SLCO5A1: variants seen among roughly 807,000 people sequenced by gnomAD.
SLCO5A1 encodes solute carrier organic anion transporter family member 5A1, also known as organic anion transporter polypeptide-related protein 4.
A neutral mutation model predicts 65.1 loss-of-function variants in SLCO5A1; 39 were observed. The observed-to-expected ratio is 0.60, with a 90% CI of 0.46 to 0.78. The LOEUF is 0.78. Ranked by LOEUF, SLCO5A1 falls within the 30% of genes least tolerant of loss-of-function variation. SLCO5A1 has a pLI of 0.00. For missense variants in SLCO5A1, 1,029 were observed against 1,069.4 expected, an observed-to-expected ratio of 0.96 and a Z score of 0.53; for synonymous variants, 438 against 415.7, an observed-to-expected ratio of 1.05 and a Z score of -0.65.
At chr8:69,782,910 T>C (rs1818860464) in intron 2 of SLCO5A1, among the ~76,000 whole-genome samples, 1 of 152,206 alleles carries the variant, frequency 6.6e-6, no homozygotes, top group African/African-American at 2.4e-5. Flanking sequence ...GAGTATTGGC[T>C]TCAGCATCAG....
chr8:69,704,767 C>A, intron 6 of SLCO5A1: 1 of 425,856 alleles, frequency 2.3e-6, no homozygotes, highest in Non-Finnish European at 4.2e-6. Flanking sequence ...TTTCATTAAT[C>A]CAATAAGCAT....
intron 6 of SLCO5A1, among the ~76,000 whole-genome samples, chr8:69,691,823 C>G (rs1280616944): frequency 6.6e-6 from 1 of 152,184 alleles, no homozygotes; most frequent in East Asian, 1.9e-4. Flanking sequence ...TACTATACTC[C>G]TAGGCTATAC....
At chr8:69,700,684 G>A (rs1411820799) in intron 6 of SLCO5A1, among the ~76,000 whole-genome samples, 1 of 151,934 alleles carries the variant, frequency 6.6e-6, no homozygotes, top group Admixed American at 6.6e-5. Flanking sequence ...TTGGGAAAAA[G>A]AAAAGCCAGA....
chr8:69,682,314 A>G lies in SLCO5A1; in HGVS notation c.1652T>C (p.Leu551Pro). The G allele has an allele frequency of 6.2e-7, 1 of 1,610,494 alleles. No homozygotes were observed. Among genetic ancestry groups the G allele is most frequent in the Non-Finnish European group, 8.5e-7 (1 of 1,178,540 alleles). Reference sequence around the variant, plus strand: ...ACAATTAACGTTGCAGCTTCCTGTCAGATTCCTATGGGGCATGGTGAGAGA... The same window carrying G: ...ACAATTAACGTTGCAGCTTCCTGTCGGATTCCTATGGGGCATGGTGAGAGA... ...GPSLTMPHRNLTGSCNVNCGC... is the reference protein window; with the variant it reads ...GPSLTMPHRNPTGSCNVNCGC... The change falls in exon 7 of 10, where the codon CTG becomes CCG. Residue 551 changes from leucine to proline, a missense_variant. Leu to Pro is a moderately conservative substitution (Grantham distance 98). Around this residue, in one of 3 missense-constraint regions of SLCO5A1, gnomAD observed 124 missense variants for 184.5 expected, o/e 0.67. Coordinates refer to ENST00000260126, the MANE Select transcript of SLCO5A1 (RefSeq NM_030958.3).
Position 69,803,881 on chromosome 8 carries a change from G to A in SLCO5A1, c.907+27886C>T, listed in dbSNP as rs111899298. On this transcript the variant is annotated intron_variant, in intron 2 of 9. Transcript: ENST00000260126. ...CGCTTGAGCCCCAGAGTTTGAGGCT[G>A]CAGTGAGCTATGATCATGCCACAGC... Among the ~76,000 whole-genome samples, 47 of 152,210 alleles carry A rather than the reference G, an allele frequency of 3.1e-4. 2 individuals are homozygous for A. The highest frequency in any genetic ancestry group is 1.1e-3 in the African/African-American group (45 of 41,512).
At chr8:69,679,349 C>G (rs1219003122) in intron 8 of SLCO5A1, 29 bp downstream of exon 8, 2 of 1,613,350 alleles carry the variant, frequency 1.2e-6, no homozygotes, top group Non-Finnish European at 1.7e-6. Flanking sequence ...AGTACAGAAC[C>G]CACCCCAGAA....
At chr8:69,686,968 T>C (rs763223546) in intron 6 of SLCO5A1, among the ~76,000 whole-genome samples, 6 of 152,294 alleles carry the variant, frequency 3.9e-5, no homozygotes, top group Non-Finnish European at 4.4e-5. Context: ...ACACAGTCGT[T>C]GTGGGGGATT....
At chr8:69,713,612 G>A (rs1193891322) in intron 5 of SLCO5A1, 1 of 152,136 alleles carries the variant, frequency 6.6e-6, no homozygotes, top group East Asian at 1.9e-4. Flanking sequence ...AGATTTTTAT[G>A]CTCTGAACCC....
chr8:69,691,361 G>C (rs1814252141), intron 6 of SLCO5A1, among the ~76,000 whole-genome samples: 1 of 152,160 alleles, frequency 6.6e-6, no homozygotes, highest in Admixed American at 6.6e-5. Context: ...TACCTAACAT[G>C]AAATCTACCT....
At chr8:69,764,098 C>T (rs920000067) in intron 2 of SLCO5A1, among the ~76,000 whole-genome samples, 6 of 152,258 alleles carry the variant, frequency 3.9e-5, no homozygotes, top group Admixed American at 2.6e-4. Context: ...CTCCTGACCT[C>T]GTGATCCACC....
chr8:69,775,842 A>G (rs759337135), intron 2 of SLCO5A1, among the ~76,000 whole-genome samples: 4 of 151,968 alleles, frequency 2.6e-5, no homozygotes. Flanking sequence ...AGTGAGACCT[A>G]GTTCTCTACA....
intron 7 of SLCO5A1, among the ~76,000 whole-genome samples, chr8:69,680,383 G>A (rs1813715880): frequency 6.6e-6 from 1 of 152,160 alleles, no homozygotes; most frequent in African/African-American, 2.4e-5. Flanking sequence ...AGAACATGCG[G>A]TATTTGGTTT....
rs1816246904 is a variant in SLCO5A1, at chr8:69,729,645, A to C, written c.1423+8395T>G. Among the ~76,000 whole-genome samples the C allele has an allele frequency of 1.3e-5, 2 of 152,092 alleles. 1 individual carries two copies. Among genetic ancestry groups the C allele is most frequent in the South Asian group, 4.2e-4 (2 of 4,818 alleles). ...TTACGGTCATTGGGGGAACTGGCCA[A>C]ACAAGAAGCTGGTCATTTGGCGAAC... On this transcript the variant is annotated intron_variant, in intron 5 of 9. Transcript: ENST00000260126.
rs945884670 is a variant in SLCO5A1, at chr8:69,832,199, G to T, written c.475C>A (p.Arg159Ser). Residue 159 changes from arginine to serine, a missense_variant, in exon 2 of 10, where the codon CGC (arginine) becomes AGC (serine). Physicochemically the swap from Arg to Ser is moderately radical, Grantham distance 110. Transcript: ENST00000260126. The surrounding 1 kb of genome is among the most constrained non-coding windows in gnomAD (Gnocchi z 4.5). ...LSSVITTIER[R>S]YSLKSSESGL... is the part of the protein sequence containing the mutation. Reference sequence around the variant, plus strand: ...GACTCGGAACTCTTCAGACTGTAGCGCCTTTCAATGGTGGTAATTACGCTG... The same window carrying T: ...GACTCGGAACTCTTCAGACTGTAGCTCCTTTCAATGGTGGTAATTACGCTG... 3 of 1,614,156 alleles carry T rather than the reference G, an allele frequency of 1.9e-6. No homozygotes were observed. Among genetic ancestry groups the T allele is most frequent in the East Asian group, 2.2e-5 (1 of 44,874 alleles).
At chr8:69,743,115 T>C (rs1425523368) in intron 4 of SLCO5A1, among the ~76,000 whole-genome samples, 1 of 152,134 alleles carries the variant, frequency 6.6e-6, no homozygotes, top group East Asian at 1.9e-4. Context: ...CAGATTCTTA[T>C]GGAAGCTGAT....
chr8:69,706,437 G>C (rs895387735), intron 5 of SLCO5A1, among the ~76,000 whole-genome samples: 7 of 152,196 alleles, frequency 4.6e-5, no homozygotes, highest in Non-Finnish European at 1.0e-4. Flanking sequence ...TCCCCAAAAG[G>C]TTCACATGAT....
At chr8:69,786,396 C>T (rs891814398) in intron 2 of SLCO5A1, among the ~76,000 whole-genome samples, 1 of 152,226 alleles carries the variant, frequency 6.6e-6, no homozygotes. Flanking sequence ...CACCAATAGG[C>T]AAATATGCTG....
At chr8:69,828,301 T>C (rs1821006608) in intron 2 of SLCO5A1, among the ~76,000 whole-genome samples, 1 of 151,764 alleles carries the variant, frequency 6.6e-6, no homozygotes, top group Non-Finnish European at 1.5e-5. Context: ...TTAATCAGTA[T>C]CTTTAAAAAA....
intron 2 of SLCO5A1, among the ~76,000 whole-genome samples, chr8:69,766,620 G>C (rs1818070602): frequency 6.6e-6 from 1 of 152,186 alleles, no homozygotes; most frequent in Admixed American, 6.5e-5. Context: ...TACTCCAACA[G>C]TTCCTTCTCA....
Sources: allele counts gnomAD v4.1 joint callset (sites outside exome capture counted in the v4.1 genomes callset), GRCh38; gene constraint gnomAD v4.1.1; regional missense constraint gnomAD v4.1.1; non-coding constraint Gnocchi (gnomAD v3.1); transcripts MANE v1.5; gene names NCBI Gene and HGNC (gene_info 2026-07-23, HGNC 2026-07-21).